The following HIGD1C variants were observed in gnomAD, a reference collection of about 807,000 sequenced individuals.
The protein encoded by HIGD1C is HIG1 domain family member 1C.
HIGD1C carries 11 observed loss-of-function variants against 13.1 expected under a neutral mutation model. The ratio of observed to expected loss-of-function variants is 0.84; its 90% CI spans 0.53 to 1.39. The LOEUF (loss-of-function observed/expected upper bound fraction) is 1.39, where lower values mean the gene tolerates loss of function less well. Among genes scored for constraint, HIGD1C ranks in the 40% most tolerant of loss-of-function variants. The pLI, the probability that HIGD1C is intolerant of heterozygous loss-of-function variation, is 0.00. For synonymous variants in HIGD1C, 36 were observed against 37.7 expected (o/e 0.95, Z 0.17); for missense variants, 110 against 112.0 (o/e 0.98, Z 0.08).
At chr12:50,961,726 A>T (rs11169635) in intron 2 of HIGD1C, among the ~76,000 whole-genome samples, 2,363 of 152,254 alleles carry the variant, frequency 0.016, 68 homozygotes, top group African/African-American at 0.053. Context: ...AATTAATCTA[A>T]ATTTGTTTGG....
chr12:50,960,447 AG>A (rs1939281636), intron 1 of HIGD1C, among the ~76,000 whole-genome samples: 1 of 152,234 alleles, frequency 6.6e-6, no homozygotes, highest in African/African-American at 2.4e-5. Context: ...TGACTAGACA[AG>A]TTACTACACT....
intron 1 of HIGD1C, among the ~76,000 whole-genome samples, chr12:50,959,374 C>A (rs1215518315): frequency 6.6e-6 from 1 of 152,132 alleles, no homozygotes; most frequent in Non-Finnish European, 1.5e-5. Context: ...CCTGCATTGG[C>A]CTCCCAAAGT....
At chr12:50,954,124 C>A in intron 1 of HIGD1C, 32 bp downstream of exon 3, 1 of 1,276,358 alleles carries the variant, frequency 7.8e-7, no homozygotes, top group South Asian at 1.2e-5. Context: ...ATGCAGAAAA[C>A]TGTAATAACA....
intron 1 of HIGD1C, among the ~76,000 whole-genome samples, chr12:50,955,948 T>TATAATAAC (rs1213604765): frequency 2.0e-5 from 3 of 152,120 alleles, no homozygotes; most frequent in Non-Finnish European, 2.9e-5. Flanking sequence ...CCAGCTAAAT[T>TATAATAAC]CAATTATAAA....
chr12:50,935,417 T>C, the HIGD1C span: 9 of 152,156 alleles, frequency 5.9e-5, no homozygotes, highest in Non-Finnish European at 1.2e-4. Flanking sequence ...GAAACCATCT[T>C]GGGAACCTGC....
chr12:50,934,807 G>A, the HIGD1C span: 1 of 152,128 alleles, frequency 6.6e-6, no homozygotes, highest in East Asian at 1.9e-4. Flanking sequence ...GAGCCTCAAG[G>A]GCAGATTCTA....
chr12:50,946,582 C>T, the HIGD1C span, among the ~76,000 whole-genome samples: 1 of 152,138 alleles, frequency 6.6e-6, no homozygotes, highest in Non-Finnish European at 1.5e-5. Flanking sequence ...CAGGAAACAA[C>T]AGGTGCTGGA....
At chr12:50,967,194 C>T (rs1404736448) in intron 2 of HIGD1C, among the ~76,000 whole-genome samples, 2 of 152,090 alleles carry the variant, frequency 1.3e-5, no homozygotes, top group African/African-American at 4.8e-5. Context: ...TGGCTCACTG[C>T]AGCCTCAAAC....
At chr12:50,956,183 G>C (rs1212187803) in intron 1 of HIGD1C, among the ~76,000 whole-genome samples, 2 of 152,206 alleles carry the variant, frequency 1.3e-5, no homozygotes, top group Admixed American at 1.3e-4. Flanking sequence ...CTTGAAATCA[G>C]GAGTTTGAGA....
chr12:50,955,772 T>TA (rs899092355), intron 1 of HIGD1C, among the ~76,000 whole-genome samples: 15 of 152,014 alleles, frequency 9.9e-5, no homozygotes, highest in South Asian at 8.3e-4. Context: ...CATTTTTAGT[T>TA]AAAAAAAATT....
intron 1 of HIGD1C, among the ~76,000 whole-genome samples, chr12:50,955,437 CTCTT>C (rs1325920565): frequency 6.6e-6 from 1 of 152,190 alleles, no homozygotes; most frequent in East Asian, 1.9e-4. Context: ...TCTGAGCTTT[CTCTT>C]TCTTCTCCAT....
chr12:50,940,914 A>G, the HIGD1C span, among the ~76,000 whole-genome samples: 1 of 151,714 alleles, frequency 6.6e-6, no homozygotes, highest in Non-Finnish European at 1.5e-5. Flanking sequence ...ATACGATCAC[A>G]GCTCACTGCA....
the HIGD1C span, among the ~76,000 whole-genome samples, chr12:50,945,964 A>C: frequency 3.9e-5 from 6 of 152,304 alleles, no homozygotes; most frequent in South Asian, 1.2e-3. Context: ...AAACCTGACA[A>C]AAACAAGAAA....
chr12:50,953,205 C>T (rs1938962667), upstream of HIGD1C, among the ~76,000 whole-genome samples: 1 of 152,174 alleles, frequency 6.6e-6, no homozygotes, highest in South Asian at 2.1e-4. Flanking sequence ...TGATCTACAG[C>T]CTCTTGCTGA....
intron 2 of HIGD1C, among the ~76,000 whole-genome samples, chr12:50,964,163 T>A (rs61005916): frequency 0.13 from 19,675 of 152,254 alleles, 1,749 homozygotes; most frequent in East Asian, 0.42. Flanking sequence ...ATTGGGCTAA[T>A]CTATACATAA....
chr12:50,971,387 CAT>C (rs34196819), downstream of HIGD1C, among the ~76,000 whole-genome samples: 23,648 of 152,128 alleles, frequency 0.16, 1,985 homozygotes, highest in South Asian at 0.27. Context: ...ACCGCAAACA[CAT>C]GTTTAACATT....
At chr12:50,955,651 A>G (rs1939066561) in intron 1 of HIGD1C, among the ~76,000 whole-genome samples, 1 of 152,254 alleles carries the variant, frequency 6.6e-6, no homozygotes. Flanking sequence ...ACATATCAAG[A>G]AAGAATCAAA....
the HIGD1C span, among the ~76,000 whole-genome samples, chr12:50,933,493 CA>C: frequency 6.6e-6 from 1 of 152,244 alleles, no homozygotes. Flanking sequence ...AAGCCTCAGG[CA>C]CAGCCTGAAC....
At chr12:50,944,762 C>G in the HIGD1C span, among the ~76,000 whole-genome samples, 1 of 152,150 alleles carries the variant, frequency 6.6e-6, no homozygotes, top group African/African-American at 2.4e-5. Flanking sequence ...TGGCGCACAC[C>G]TGCAGTCCCA....
Sources: allele counts gnomAD v4.1 joint callset (sites outside exome capture counted in the v4.1 genomes callset), GRCh38; gene constraint gnomAD v4.1.1; transcripts MANE v1.5; gene names NCBI Gene and HGNC (gene_info 2026-07-23, HGNC 2026-07-21).